Variants in THSD4 observed in about 807,000 individuals in gnomAD.
THSD4 encodes thrombospondin type-1 domain-containing protein 4.
THSD4 carries 69 observed loss-of-function variants against 119.0 expected under a neutral mutation model. The ratio of observed to expected loss-of-function variants is 0.58; its 90% CI spans 0.48 to 0.71. The LOEUF is 0.71. Among genes scored for constraint, THSD4 ranks in the 30% least tolerant of loss-of-function variants. The probability of loss-of-function intolerance (pLI) is 0.00; values close to 1 mark genes in which losing one functional copy is unlikely to be tolerated. For synonymous variants in THSD4, 524 were observed against 540.4 expected (o/e 0.97, Z 0.42); for missense variants, 1,393 against 1,391.1 (o/e 1.00, Z -0.02).
At chr15:71,702,111 C>T (rs1234117172) in intron 8 of THSD4, among the ~76,000 whole-genome samples, 1 of 152,096 alleles carries the variant, frequency 6.6e-6, no homozygotes, top group African/African-American at 2.4e-5. Context: ...GTGACTTCCT[C>T]CTTATGGGTC....
chr15:71,440,424 A>T (rs890907579), intron 7 of THSD4, among the ~76,000 whole-genome samples: 1 of 152,194 alleles, frequency 6.6e-6, no homozygotes, highest in Admixed American at 6.5e-5. Flanking sequence ...AATACAATGC[A>T]TGGTGTTTCA....
At chr15:71,203,165 G>C (rs1314857961) in intron 3 of THSD4, among the ~76,000 whole-genome samples, 2 of 152,146 alleles carry the variant, frequency 1.3e-5, no homozygotes, top group African/African-American at 4.8e-5. Flanking sequence ...TGGGCAGGGA[G>C]AGAAAGTGTT....
chr15:71,758,031 C>T lies in THSD4; in HGVS notation c.2545C>T (p.Pro849Ser), dbSNP rs1223572138. The change falls in exon 15 of 18, where the codon CCC (proline) becomes TCC (serine). Residue 849 changes from proline to serine, a missense_variant. Pro to Ser is a moderately conservative substitution (Grantham distance 74, BLOSUM62 -1). Coordinates refer to ENST00000261862, the MANE Select transcript of THSD4 (RefSeq NM_024817.3). ...AGAGGCCACCCCATGTGACAACGGA[C>T]CCTGCACGGGCAAGGTGGAGTGGTT... ...PAEATPCDNG[P>S]CTGKVEWFAG... is the part of the protein sequence containing the mutation. The T allele has an allele frequency of 1.2e-6, 2 of 1,609,192 alleles. No homozygotes were observed. The highest frequency in any genetic ancestry group is 1.1e-5 in the South Asian group (1 of 90,216).
intron 6 of THSD4, among the ~76,000 whole-genome samples, chr15:71,316,254 T>A (rs1330120608): frequency 7.9e-5 from 12 of 152,172 alleles, no homozygotes; most frequent in Admixed American, 7.9e-4. Context: ...AAACAGCCCC[T>A]CCTTTATATA....
At chr15:71,487,702 C>T (rs904593546) in intron 7 of THSD4, among the ~76,000 whole-genome samples, 4 of 152,140 alleles carry the variant, frequency 2.6e-5, no homozygotes, top group Non-Finnish European at 5.9e-5. Context: ...TGAGGACCTT[C>T]AGAAATATTT....
At chr15:71,735,309 C>T (rs1159016339) in intron 10 of THSD4, among the ~76,000 whole-genome samples, 1 of 152,138 alleles carries the variant, frequency 6.6e-6, no homozygotes, top group Non-Finnish European at 1.5e-5. Context: ...GGCAGCCAGG[C>T]CCCCTCTCCC....
intron 3 of THSD4, chr15:71,187,004 C>T (rs978799671): frequency 6.6e-6 from 1 of 152,144 alleles, no homozygotes; most frequent in African/African-American, 2.4e-5. Context: ...CGAAAGCAAA[C>T]CAGAGGTAGA....
chr15:71,469,968 CCA>C (rs2047550956), intron 7 of THSD4, among the ~76,000 whole-genome samples: 2 of 152,082 alleles, frequency 1.3e-5, no homozygotes, highest in African/African-American at 4.8e-5. Flanking sequence ...GAGGAGATGT[CCA>C]AGCTGGATTT....
intron 7 of THSD4, among the ~76,000 whole-genome samples, chr15:71,564,606 T>G (rs957685035): frequency 6.6e-6 from 1 of 150,856 alleles, no homozygotes; most frequent in Non-Finnish European, 1.5e-5. Context: ...ATTCCACATA[T>G]TGTACATTAT....
At chr15:71,535,955 T>C (rs1359801298) in intron 7 of THSD4, among the ~76,000 whole-genome samples, 1 of 152,196 alleles carries the variant, frequency 6.6e-6, no homozygotes, top group Non-Finnish European at 1.5e-5. Flanking sequence ...TATTTATTTT[T>C]CCTTTTTCAC....
chr15:71,180,581 C>A (rs2043509383), intron 3 of THSD4, among the ~76,000 whole-genome samples: 1 of 152,092 alleles, frequency 6.6e-6, no homozygotes, highest in Non-Finnish European at 1.5e-5. Flanking sequence ...AATTATACCT[C>A]AATGAAACTG....
In THSD4 at chr15:71,442,568, CAA is replaced by C. The variant is rs71154770; in HGVS notation, c.1152+30756_1152+30757del. 6.3e-4 allele frequency among the ~76,000 whole-genome samples: 21 copies of C among 33,470 alleles called. 4 individuals are homozygous for C. Among genetic ancestry groups the C allele is most frequent in the East Asian group, 1.4e-3 (2 of 1,436 alleles). The allele number at this position is 33,470 out of a possible 152,430, so 22.0% of individuals were successfully genotyped here. ...TGGGCAACAGAGCAAAACTCCATCTCAAAAAAAAAAAATATATATATATATAT... is the reference window on the plus strand; with the variant it reads ...TGGGCAACAGAGCAAAACTCCATCTCAAAAAAAAAATATATATATATATAT... On this transcript the variant is annotated intron_variant, in intron 7 of 17. Coordinates refer to ENST00000261862, the MANE Select transcript of THSD4 (RefSeq NM_024817.3).
intron 6 of THSD4, among the ~76,000 whole-genome samples, chr15:71,305,544 T>G (rs1270617301): frequency 6.6e-6 from 1 of 152,164 alleles, no homozygotes; most frequent in Admixed American, 6.5e-5. Context: ...TTAATAGTTA[T>G]GACCTTCAAC....
chr15:71,138,876 G>A (rs2040575562), intron 1 of THSD4, among the ~76,000 whole-genome samples: 1 of 149,940 alleles, frequency 6.7e-6, no homozygotes, highest in Non-Finnish European at 1.5e-5. Context: ...GTGTGTGTGT[G>A]AGTGTGTGTG....
intron 7 of THSD4, among the ~76,000 whole-genome samples, chr15:71,537,428 C>T (rs1007564905): frequency 6.6e-6 from 1 of 152,128 alleles, no homozygotes; most frequent in Admixed American, 6.5e-5. Context: ...GCTGGCTCCC[C>T]CTTGGTTGCT....
chr15:71,604,113 A>G (rs932279797), intron 7 of THSD4, among the ~76,000 whole-genome samples: 2 of 152,062 alleles, frequency 1.3e-5, no homozygotes, highest in African/African-American at 2.4e-5. Context: ...GGAGAGGAAA[A>G]CCATGGGGAT....
chr15:71,507,583 G>T (rs1269896112), intron 7 of THSD4, among the ~76,000 whole-genome samples: 2 of 152,306 alleles, frequency 1.3e-5, no homozygotes, highest in East Asian at 3.9e-4. Context: ...TGGGGGCTGA[G>T]GAGAGAAGGG....
chr15:71,682,431 A>G (rs749709649), intron 8 of THSD4, among the ~76,000 whole-genome samples: 2 of 152,226 alleles, frequency 1.3e-5, no homozygotes, highest in Non-Finnish European at 2.9e-5. Flanking sequence ...AGCCCCTTCC[A>G]GTGTCCCCTC....
At chr15:71,770,455 G>A (rs963118137) in intron 16 of THSD4, among the ~76,000 whole-genome samples, 1 of 151,310 alleles carries the variant, frequency 6.6e-6, no homozygotes, top group African/African-American at 2.4e-5. Flanking sequence ...AGGAGCTTGA[G>A]ACCAGCCTAG....
Sources: allele counts gnomAD v4.1 joint callset (sites outside exome capture counted in the v4.1 genomes callset), GRCh38; gene constraint gnomAD v4.1.1; transcripts MANE v1.5; gene names NCBI Gene and HGNC (gene_info 2026-07-23, HGNC 2026-07-21).